CHERP: variants seen among roughly 807,000 people sequenced by gnomAD.
CHERP encodes the protein calcium homeostasis endoplasmic reticulum protein, also known as ERPROT 213-21.
Under a neutral mutation model 113.8 loss-of-function variants are expected in CHERP, and 8 were observed. The ratio of observed to expected loss-of-function variants is 0.07; its 90% CI spans 0.04 to 0.13. The LOEUF is 0.13. Among genes scored for constraint, CHERP ranks in the 10% least tolerant of loss-of-function variants. The probability of loss-of-function intolerance (pLI) is 1.00; values close to 1 mark genes in which losing one functional copy is unlikely to be tolerated. For synonymous variants in CHERP, 559 were observed against 524.5 expected, an observed-to-expected ratio of 1.07 and a Z score of -0.90; for missense variants, 884 against 1,298.2, an observed-to-expected ratio of 0.68 and a Z score of 4.90.
chr19:16,533,963 G>A (rs188702832), intron 3 of CHERP, among the ~76,000 whole-genome samples: 1 of 152,264 alleles, frequency 6.6e-6, no homozygotes, highest in Non-Finnish European at 1.5e-5. Context: ...GCTGCCATGC[G>A]GACCAGCGGT....
rs891607683 is a variant in CHERP at position 16,532,395 on chromosome 19, G to A, written c.674+203C>T. The A allele has an allele frequency of 4.9e-6, 3 of 608,390 alleles. No individual in the cohort carries two copies. The highest frequency in any genetic ancestry group is 5.6e-6 in the Non-Finnish European group (2 of 354,094). 37.7% of individuals were successfully genotyped at this position (608,390 alleles called of 1,614,324 possible). On this transcript the variant is annotated intron_variant, in intron 5 of 16. Transcript: ENST00000546361. This position sits in a 1 kb window ranked among gnomAD's most constrained non-coding sequence, Gnocchi z 4.4. ...GGAGAGGACAGGGCATGCAGCGAAG[G>A]TGCACAGGACACCTAGACCTCGCAG...
chr19:16,533,364 G>A (rs2085720081), intron 3 of CHERP, among the ~76,000 whole-genome samples: 1 of 152,184 alleles, frequency 6.6e-6, no homozygotes, highest in South Asian at 2.1e-4. Context: ...GGAGTGGGCA[G>A]GGCACTGACA....
intron 2 of CHERP, among the ~76,000 whole-genome samples, chr19:16,538,441 T>C (rs1473479557): frequency 2.0e-5 from 3 of 152,206 alleles, no homozygotes; most frequent in Non-Finnish European, 4.4e-5. Flanking sequence ...TCCCAGCACT[T>C]TGGGAAGCCA....
chr19:16,525,702 G>A lies in CHERP; in HGVS notation c.1306-25C>T. 3.4e-6 allele frequency: 5 copies of A among 1,477,384 alleles called. No homozygotes were observed. Among genetic ancestry groups the A allele is most frequent in the Non-Finnish European group, 2.7e-6 (3 of 1,112,528 alleles). 91.5% of individuals were successfully genotyped at this position (1,477,384 alleles called of 1,614,324 possible). The stretch of plus-strand genomic sequence containing the variant: ...GCTGCAAGGGAAGGGACAGGCTTGA[G>A]CCCTGCGTGGTCTAGGCCCTAGTGC... On this transcript the variant is annotated intron_variant, in intron 9 of 16. Transcript: ENST00000546361. This position sits in a 1 kb window ranked among gnomAD's most constrained non-coding sequence, Gnocchi z 6.5.
intron 5 of CHERP, among the ~76,000 whole-genome samples, chr19:16,531,122 G>T (rs2085700256): frequency 6.6e-6 from 1 of 152,216 alleles, no homozygotes; most frequent in Admixed American, 6.5e-5. Flanking sequence ...TTCTGAGCAA[G>T]GCCTTTTGGT....
chr19:16,525,164 A>C lies in CHERP; in HGVS notation c.1741+78T>G, dbSNP rs538453851. ...GCACTCAGGAGCATGGCAGGGCCAC[A>C]AGCAGCGCCACCAGCCTGCTCGGCA... On this transcript the variant is annotated intron_variant, in intron 10 of 16. Coordinates refer to ENST00000546361, the MANE Select transcript of CHERP (RefSeq NM_006387.6). This position sits in a 1 kb window ranked among gnomAD's most constrained non-coding sequence, Gnocchi z 6.5. 33 of 1,287,784 alleles carry C rather than the reference A, an allele frequency of 2.6e-5. No individual in the cohort carries two copies. Among genetic ancestry groups the C allele is most frequent in the Non-Finnish European group, 3.3e-5 (32 of 982,578 alleles). 79.8% of individuals were successfully genotyped at this position (1,287,784 alleles called of 1,614,324 possible). A position where few individuals can be genotyped will look rare whatever the true frequency, so the allele number is the denominator to read the frequency against.
At position 16,525,387 on chromosome 19, in the gene CHERP, G is replaced by C. The variant is rs761692729; in HGVS notation, c.1596C>G (p.His532Gln). ...GGTGCGGAGGCTGGTTGAACTGCGG[G>C]TGCTGCTGGTGGGGCGGGAAGGGCC... ...FRGPFPPHQQ[H>Q]PQFNQPPHPH... Residue 532 changes from histidine (H) to glutamine (Q), a missense_variant, in exon 10 of 17, where the codon CAC (histidine) becomes CAG (glutamine). Physicochemically the swap from His to Gln is conservative, Grantham distance 24. Coordinates refer to ENST00000546361, the MANE Select transcript of CHERP (RefSeq NM_006387.6). The surrounding 1 kb of genome is among the most constrained non-coding windows in gnomAD (Gnocchi z 6.5). 6.7e-7 allele frequency: 1 copy of C among 1,500,680 alleles called. No individual in the cohort carries two copies. The allele number at this position is 1,500,680 out of a possible 1,614,324, so 93.0% of individuals were successfully genotyped here.
Position 16,532,896 on chromosome 19 carries a change from G to C in CHERP, c.522+115C>G. ...GGGTCCCACAGCCTCAGGAGCTCCA[G>C]GCGGGAGGGAAGGGCACCCATTGTA... On this transcript the variant is annotated intron_variant, in intron 4 of 16. Coordinates refer to ENST00000546361, the MANE Select transcript of CHERP (RefSeq NM_006387.6). This position sits in a 1 kb window ranked among gnomAD's most constrained non-coding sequence, Gnocchi z 4.4. 1 of 1,512,746 alleles carries C rather than the reference G, an allele frequency of 6.6e-7. No individual in the cohort carries two copies. Among genetic ancestry groups the C allele is most frequent in the Non-Finnish European group, 8.9e-7 (1 of 1,123,042 alleles). The allele number at this position is 1,512,746 out of a possible 1,614,324, so 93.7% of individuals were successfully genotyped here.
At position 16,521,272 on chromosome 19, in the gene CHERP, C is replaced by T. The variant is rs11880641; in HGVS notation, c.2114+249G>A. Reference sequence around the variant, plus strand: ...GGTGGGCTGAGGGCCCTGTGGCAGCCGGCTGCTTGAGACGTGCCGCCGTGC... The same window carrying T: ...GGTGGGCTGAGGGCCCTGTGGCAGCTGGCTGCTTGAGACGTGCCGCCGTGC... On this transcript the variant is annotated intron_variant, in intron 12 of 16. Coordinates refer to ENST00000546361, the MANE Select transcript of CHERP (RefSeq NM_006387.6). 1.6e-5 allele frequency: 9 copies of T among 566,980 alleles called. No individual in the cohort carries two copies. The South Asian group carries it at 1.8e-4, about 12-fold the overall frequency. 35.1% of individuals were successfully genotyped at this position (566,980 alleles called of 1,614,324 possible). A position where few individuals can be genotyped will look rare whatever the true frequency, so the allele number is the denominator to read the frequency against.
chr19:16,520,032 C>G lies in CHERP; in HGVS notation c.2462+117G>C, dbSNP rs992212583. 1.2e-5 allele frequency: 13 copies of G among 1,088,864 alleles called. No homozygotes were observed. The highest frequency in any genetic ancestry group is 1.8e-5 in the Non-Finnish European group (13 of 735,104). 67.5% of individuals were successfully genotyped at this position (1,088,864 alleles called of 1,614,324 possible). A position where few individuals can be genotyped will look rare whatever the true frequency, so the allele number is the denominator to read the frequency against. ...GAAGGGTGAGGGGTGCCACTGTCCCCGGGCTAATGCTGGCGGCCTCCTAAC... is the reference window on the plus strand; with the variant it reads ...GAAGGGTGAGGGGTGCCACTGTCCCGGGGCTAATGCTGGCGGCCTCCTAAC... On this transcript the variant is annotated intron_variant, in intron 15 of 16. Coordinates refer to ENST00000546361, the MANE Select transcript of CHERP (RefSeq NM_006387.6). The surrounding 1 kb of genome is among the most constrained non-coding windows in gnomAD (Gnocchi z 4.0).
rs2085735162 is a variant in CHERP, at chr19:16,535,497, C to G, written c.339G>C (p.Gln113His). 1.9e-6 allele frequency: 3 copies of G among 1,609,404 alleles called. No homozygotes were observed. In the East Asian group the frequency reaches 6.7e-5, roughly 36 times the overall value. ...GCTGCTCCTGCTGCTGGAGGTTCCA[C>G]TGGCTCTGCTGGATGAGCTCGTCCA... The part of the protein sequence containing the change: ...PSMDELIQQS[Q>H]WNLQQQEQHL... Residue 113 changes from glutamine (Q) to histidine (H), a missense_variant, in exon 3 of 17, where the codon CAG (glutamine) becomes CAC (histidine). Coordinates refer to ENST00000546361, the MANE Select transcript of CHERP (RefSeq NM_006387.6). The surrounding 1 kb of genome is among the most constrained non-coding windows in gnomAD (Gnocchi z 4.3).
At chr19:16,542,241 G>T in intron 1 of CHERP, 113 bp downstream of exon 1, 1 of 1,137,926 alleles carries the variant, frequency 8.8e-7, no homozygotes, top group Non-Finnish European at 1.2e-6. Context: ...CGCAGGCGAA[G>T]CCGCGAGGCC....
Position 16,528,184 on chromosome 19 carries a change from C to A in CHERP, c.1201G>T (p.Ala401Ser). 1 of 1,612,962 alleles carries A rather than the reference C, an allele frequency of 6.2e-7. No homozygotes were observed. Among genetic ancestry groups the A allele is most frequent in the South Asian group, 1.1e-5 (1 of 91,038 alleles). Residue 401 changes from alanine to serine, a missense_variant, in exon 9 of 17, where the codon GCA becomes TCA. Physicochemically the swap from Ala to Ser is moderately conservative, Grantham distance 99 (BLOSUM62 1). Around this residue, in one of 8 missense-constraint regions of CHERP, gnomAD observed 464 missense variants for 590.1 expected, o/e 0.79. Transcript: ENST00000546361. The part of the protein sequence containing the change: ...YEAPGGVQDP[A>S]AAGPRGPGPH... ...CCGGGGCCCCGGGGGCCGGCAGCTG[C>A]AGGATCCTGGACCCCTCCTGGAGCT... is the stretch of plus-strand genomic sequence containing the variant.
chr19:16,521,444 G>A, intron 12 of CHERP, 77 bp downstream of exon 12: 1 of 1,381,120 alleles, frequency 7.2e-7, no homozygotes, highest in East Asian at 2.5e-5. Context: ...TTCTAGCCTG[G>A]ACAGAAGGTG....
intron 9 of CHERP, 95 bp downstream of exon 9, chr19:16,527,978 TTCCCCAG>T (rs2085667790): frequency 8.6e-7 from 1 of 1,156,516 alleles, no homozygotes; most frequent in African/African-American, 1.5e-5. Flanking sequence ...TCCCTCATTG[TTCCCCAG>T]TAAGCCACTC....
Position 16,525,895 on chromosome 19 carries a change from G to A in CHERP, c.1306-218C>T, listed in dbSNP as rs1663410004. Among the ~76,000 whole-genome samples, 1 of 152,200 alleles carries A rather than the reference G, an allele frequency of 6.6e-6. No individual in the cohort carries two copies. The highest frequency in any genetic ancestry group is 1.5e-5 in the Non-Finnish European group (1 of 68,022). On this transcript the variant is annotated intron_variant, in intron 9 of 16. Transcript: ENST00000546361. The surrounding 1 kb of genome is among the most constrained non-coding windows in gnomAD (Gnocchi z 6.5). ...CAAAATGACCAGACACCCAACCGCT[G>A]CACCCGCATCTCAGTCCCGGGGCTG...
Position 16,520,356 on chromosome 19 carries a change from C to T in CHERP, c.2345+8G>A, listed in dbSNP as rs1475267105. 1 of 1,612,172 alleles carries T rather than the reference C, an allele frequency of 6.2e-7. No homozygotes were observed. The highest frequency in any genetic ancestry group is 8.5e-7 in the Non-Finnish European group (1 of 1,178,722). On this transcript the variant is annotated splice_region_variant and intron_variant, in intron 14 of 16. Transcript: ENST00000546361. The surrounding 1 kb of genome is among the most constrained non-coding windows in gnomAD (Gnocchi z 4.0). ...CTCAGGCACTGCCCTGAGGCAGCCT[C>T]TGCCTACCTAGATCTGGAGCGGGAG...
Position 16,532,543 on chromosome 19 carries a change from G to C in CHERP, c.674+55C>G. On this transcript the variant is annotated intron_variant, in intron 5 of 16. Transcript: ENST00000546361. The surrounding 1 kb of genome is among the most constrained non-coding windows in gnomAD (Gnocchi z 4.4). Reference sequence around the variant, plus strand: ...ACCGGAGCAAGCGGCCACCCAGGAGGGTTGAGGAGGAGCGCGAGGAAGTGG... The same window carrying C: ...ACCGGAGCAAGCGGCCACCCAGGAGCGTTGAGGAGGAGCGCGAGGAAGTGG... 6.6e-7 allele frequency: 1 copy of C among 1,512,996 alleles called. No homozygotes were observed. Among genetic ancestry groups the C allele is most frequent in the Middle Eastern group, 2.0e-4 (1 of 5,028 alleles). 93.7% of individuals were successfully genotyped at this position (1,512,996 alleles called of 1,614,324 possible).
intron 9 of CHERP, chr19:16,526,275 A>G (rs1282482307): frequency 6.6e-6 from 1 of 152,428 alleles, no homozygotes; most frequent in African/African-American, 2.4e-5. Flanking sequence ...CTGGAGACTT[A>G]AAGCCAGGAG....
Sources: gnomAD v4.1 joint callset for allele counts (sites outside exome capture counted in the v4.1 genomes callset) on GRCh38, gnomAD v4.1.1 for gene constraint, gnomAD v4.1.1 regional missense constraint, Gnocchi (gnomAD v3.1) non-coding constraint, MANE v1.5 for transcripts, NCBI Gene and HGNC (gene_info 2026-07-23, HGNC 2026-07-21) for gene names.